GLMN: variants seen among roughly 807,000 people sequenced by gnomAD.
GLMN encodes the protein glomulin, FKBP associated protein, also known as glomulin.
In GLMN, 75 loss-of-function variants were observed where a neutral mutation model predicts 87.8. That is an observed-to-expected ratio of 0.85 (90% CI 0.71 to 1.04). The LOEUF (loss-of-function observed/expected upper bound fraction) is 1.04, where lower values mean the gene tolerates loss of function less well. Ranked by LOEUF, GLMN falls within the 50% of genes least tolerant of loss-of-function variation. GLMN has a pLI of 0.00. For missense variants in GLMN, 588 were observed against 658.8 expected, an observed-to-expected ratio of 0.89 and a Z score of 1.18; for synonymous variants, 206 against 221.6, an observed-to-expected ratio of 0.93 and a Z score of 0.63.
intron 16 of GLMN, among the ~76,000 whole-genome samples, chr1:92,250,346 T>C (rs970105895): frequency 6.6e-6 from 1 of 152,184 alleles, no homozygotes; most frequent in African/African-American, 2.4e-5. Context: ...ATACTGTATA[T>C]AACCTGCTTC....
At chr1:92,278,743 T>C (rs935755251) in intron 7 of GLMN, among the ~76,000 whole-genome samples, 1 of 152,202 alleles carries the variant, frequency 6.6e-6, no homozygotes, top group African/African-American at 2.4e-5. Context: ...CCCCTCCTTG[T>C]TGCAGTTAGT....
At chr1:92,280,824 C>A (rs547807877) in intron 7 of GLMN, among the ~76,000 whole-genome samples, 1 of 152,214 alleles carries the variant, frequency 6.6e-6, no homozygotes, top group Admixed American at 6.5e-5. Context: ...GACGCATGCA[C>A]AAGCTTCAAT....
At chr1:92,339,208 T>G in the GLMN span, among the ~76,000 whole-genome samples, 2 of 152,070 alleles carry the variant, frequency 1.3e-5, no homozygotes, top group Non-Finnish European at 2.9e-5. Flanking sequence ...AGGAAAAAAA[T>G]GTTAGGCTAC....
At chr1:92,333,303 T>A in the GLMN span, 1 of 1,044,032 alleles carries the variant, frequency 9.6e-7, no homozygotes, top group African/African-American at 1.6e-5. Context: ...GATACAAACT[T>A]TTGTGTTTTA....
At chr1:92,318,645 T>A in the GLMN span, among the ~76,000 whole-genome samples, 1 of 152,248 alleles carries the variant, frequency 6.6e-6, no homozygotes, top group African/African-American at 2.4e-5. Flanking sequence ...TGGGCTCTCA[T>A]TTCTCTGCCT....
At chr1:92,300,181 A>G, upstream of GLMN, 1 of 1,594,698 alleles carries the variant, frequency 6.3e-7, no homozygotes, top group Non-Finnish European at 8.6e-7. Flanking sequence ...ACATGACTGT[A>G]TTTTTATTGT....
chr1:92,363,261 C>T, the GLMN span, among the ~76,000 whole-genome samples: 4 of 151,910 alleles, frequency 2.6e-5, no homozygotes, highest in African/African-American at 9.7e-5. Context: ...CTTAAGCATA[C>T]GGTATGGAGA....
At chr1:92,344,919 T>C in the GLMN span, among the ~76,000 whole-genome samples, 2 of 152,210 alleles carry the variant, frequency 1.3e-5, no homozygotes, top group Non-Finnish European at 2.9e-5. Flanking sequence ...TTGGCTGATA[T>C]TTTCTTATTG....
chr1:92,314,658 A>G, the GLMN span, among the ~76,000 whole-genome samples: 2 of 151,798 alleles, frequency 1.3e-5, no homozygotes, highest in Admixed American at 1.3e-4. Context: ...CAGGAGAATC[A>G]CTTGAACCCA....
intron 3 of GLMN, among the ~76,000 whole-genome samples, chr1:92,296,911 C>G (rs1570991233): frequency 1.3e-5 from 2 of 152,244 alleles, no homozygotes; most frequent in East Asian, 3.9e-4. Flanking sequence ...AATATTTAGC[C>G]TGCTTGATAT....
At chr1:92,334,832 A>G in the GLMN span, among the ~76,000 whole-genome samples, 4 of 151,854 alleles carry the variant, frequency 2.6e-5, no homozygotes, top group Non-Finnish European at 1.5e-5. Flanking sequence ...TAAAAATACA[A>G]AAAAAATTAG....
chr1:92,324,379 T>C, the GLMN span: 2 of 1,598,292 alleles, frequency 1.3e-6, no homozygotes, highest in Non-Finnish European at 1.7e-6. Flanking sequence ...AGAAGAGGTA[T>C]GTCTTACAGA....
Position 92,288,931 on chromosome 1 carries a change from C to T in GLMN, c.615G>A (p.Lys205=), listed in dbSNP as rs565479006. Residue 205 remains lysine, a synonymous_variant, in exon 6 of 19, where the codon AAG becomes AAA. Coordinates refer to ENST00000370360, the MANE Select transcript of GLMN (RefSeq NM_053274.3). ...KENSLENEKL[K]DELLKFCFKS... ...ATACTTACAATTTCAGTAATTCATC[C>T]TTTAACTTTTCATTTTCCAGTGAGT... is the stretch of plus-strand genomic sequence containing the variant. The T allele has an allele frequency of 2.6e-6, 4 of 1,555,864 alleles. No homozygotes were observed. In the South Asian group the frequency reaches 3.3e-5, roughly 13 times the overall value.
the GLMN span, among the ~76,000 whole-genome samples, chr1:92,317,735 G>A: frequency 1.3e-5 from 2 of 152,196 alleles, no homozygotes; most frequent in East Asian, 3.9e-4. Context: ...CATATGGTAG[G>A]TGATGCCTAC....
intron 7 of GLMN, among the ~76,000 whole-genome samples, chr1:92,274,046 A>G (rs1656553089): frequency 6.6e-6 from 1 of 152,212 alleles, no homozygotes; most frequent in South Asian, 2.1e-4. Context: ...GTGAATCCCA[A>G]CCACACCACA....
At chr1:92,305,124 G>C in the GLMN span, among the ~76,000 whole-genome samples, 1 of 151,642 alleles carries the variant, frequency 6.6e-6, no homozygotes, top group Non-Finnish European at 1.5e-5. Flanking sequence ...AACAGAGCAA[G>C]ACACTGTCTT....
At chr1:92,299,140 G>C, upstream of GLMN, 1 of 1,515,380 alleles carries the variant, frequency 6.6e-7, no homozygotes, top group South Asian at 1.3e-5. Flanking sequence ...CTCTCGAAAA[G>C]CCGCAGGTAG....
chr1:92,303,411 A>T (rs1238993971), upstream of GLMN, among the ~76,000 whole-genome samples: 2 of 152,224 alleles, frequency 1.3e-5, no homozygotes, highest in African/African-American at 2.4e-5. Context: ...AAATTATTTG[A>T]TCATGAAGAT....
chr1:92,264,568 C>A lies in GLMN; in HGVS notation c.1285G>T (p.Asp429Tyr). The A allele has an allele frequency of 6.5e-7, 1 of 1,531,216 alleles. No individual in the cohort carries two copies. Among genetic ancestry groups the A allele is most frequent in the South Asian group, 1.1e-5 (1 of 89,386 alleles). 94.9% of individuals were successfully genotyped at this position (1,531,216 alleles called of 1,614,324 possible). Reference protein sequence around the residue: ...FIIQNIKNQIDMSLKRTRNNK... With the variant: ...FIIQNIKNQIYMSLKRTRNNK... ...TATGTTCTTACCTTTAATGACATGT[C>A]AATTTGATTTTTGATATTTTGAATA... Residue 429 changes from aspartate (D) to tyrosine (Y), a missense_variant, in exon 14 of 19, where the codon GAC (aspartate) becomes TAC (tyrosine). Transcript: ENST00000370360.
Sources: gnomAD v4.1 joint callset for allele counts (sites outside exome capture counted in the v4.1 genomes callset) on GRCh38, gnomAD v4.1.1 for gene constraint, MANE v1.5 for transcripts, NCBI Gene and HGNC (gene_info 2026-07-23, HGNC 2026-07-21) for gene names.